The following FSD1L variants were observed in gnomAD, a reference collection of about 807,000 sequenced individuals.
FSD1L encodes fibronectin type III and SPRY domain containing 1 like, also known as FSD1-like protein.
FSD1L carries 45 observed loss-of-function variants against 71.6 expected under a neutral mutation model. That is an observed-to-expected ratio of 0.63 (90% CI 0.49 to 0.81). The LOEUF is 0.81. FSD1L is among the 30% of genes least tolerant of loss of function. FSD1L has a pLI of 0.00. For synonymous variants in FSD1L, 197 were observed against 207.2 expected (o/e 0.95, Z 0.42); for missense variants, 561 against 618.1 (o/e 0.91, Z 0.98).
intron 11 of FSD1L, 66 bp downstream of exon 11, chr9:105,534,659 T>A: frequency 1.1e-6 from 1 of 913,506 alleles, no homozygotes; most frequent in Non-Finnish European, 1.7e-6. Flanking sequence ...ACTGGTGGAC[T>A]TTCCACTCAA....
chr9:105,482,208 A>G (rs1832253659), intron 6 of FSD1L, among the ~76,000 whole-genome samples: 1 of 152,236 alleles, frequency 6.6e-6, no homozygotes, highest in Non-Finnish European at 1.5e-5. Context: ...GGTAGAAGTT[A>G]CACAGAGGAA....
chr9:105,542,030 A>G (rs1341325915), intron 13 of FSD1L, among the ~76,000 whole-genome samples: 1 of 152,222 alleles, frequency 6.6e-6, no homozygotes, highest in Non-Finnish European at 1.5e-5. Context: ...CAGTTGAAAG[A>G]CACTTGGGTT....
At chr9:105,528,216 C>T (rs1163184594) in intron 10 of FSD1L, among the ~76,000 whole-genome samples, 2 of 152,164 alleles carry the variant, frequency 1.3e-5, no homozygotes, top group African/African-American at 4.8e-5. Context: ...CCATACTGCT[C>T]AAAGTAATTT....
chr9:105,535,773 C>T (rs779797031), intron 12 of FSD1L, among the ~76,000 whole-genome samples: 50 of 152,050 alleles, frequency 3.3e-4, no homozygotes, highest in Non-Finnish European at 5.4e-4. Context: ...TAAACATACA[C>T]ACCTACTATG....
chr9:105,490,963 G>T (rs1185814652), intron 7 of FSD1L, among the ~76,000 whole-genome samples: 1 of 149,062 alleles, frequency 6.7e-6, no homozygotes, highest in Non-Finnish European at 1.5e-5. Context: ...TTGTTCTTTT[G>T]GCTTAGGATT....
At chr9:105,515,397 G>A (rs1456170397) in intron 10 of FSD1L, among the ~76,000 whole-genome samples, 6 of 152,168 alleles carry the variant, frequency 3.9e-5, no homozygotes, top group Non-Finnish European at 7.3e-5. Flanking sequence ...TCTTTAAGAT[G>A]GCTAAATAGG....
At position 105,550,011 on chromosome 9, in the gene FSD1L, A is replaced by G. The variant is rs1837203580; in HGVS notation, c.*3528A>G. On this transcript the variant is annotated 3_prime_UTR_variant, in exon 14 of 14. Coordinates refer to ENST00000481272, the MANE Select transcript of FSD1L (RefSeq NM_001145313.3). ...AAAATAATTATTTTTTTAAAAACGT[A>G]ATTTGTTTTTAAAAGATGAGTCTCC... 1 of 151,980 alleles carries G rather than the reference A, an allele frequency of 6.6e-6. No individual in the cohort carries two copies. Among genetic ancestry groups the G allele is most frequent in the Non-Finnish European group, 1.5e-5 (1 of 67,890 alleles). The allele number at this position is 151,980 out of a possible 1,614,324, so 9.4% of individuals were successfully genotyped here. A position where few individuals can be genotyped will look rare whatever the true frequency, so the allele number is the denominator to read the frequency against.
chr9:105,492,119 A>G (rs995722275), intron 7 of FSD1L, among the ~76,000 whole-genome samples: 12 of 152,056 alleles, frequency 7.9e-5, no homozygotes, highest in Non-Finnish European at 1.5e-4. Flanking sequence ...CTGTGAATCC[A>G]TCTGGTCCTG....
intron 6 of FSD1L, among the ~76,000 whole-genome samples, chr9:105,481,179 G>GT (rs71364100): frequency 4.9e-4 from 57 of 115,310 alleles, no homozygotes; most frequent in East Asian, 2.6e-3. Flanking sequence ...GTGTGTGTGT[G>GT]GTTCTTTTTT....
chr9:105,501,077 G>A (rs1007927708), intron 7 of FSD1L, among the ~76,000 whole-genome samples: 1 of 152,200 alleles, frequency 6.6e-6, no homozygotes, highest in African/African-American at 2.4e-5. Context: ...ACTTTAAAGT[G>A]CATGCAAATC....
chr9:105,448,365 A>T, intron 1 of FSD1L, 130 bp downstream of exon 1: 1 of 840,462 alleles, frequency 1.2e-6, no homozygotes, highest in East Asian at 3.5e-5. Flanking sequence ...GCTGCTGCGG[A>T]GGGCAAGGCC....
At chr9:105,485,666 C>T (rs563734514) in intron 7 of FSD1L, among the ~76,000 whole-genome samples, 43 of 142,232 alleles carry the variant, frequency 3.0e-4, no homozygotes, top group African/African-American at 1.1e-3. Context: ...TTTTTTGAGA[C>T]GGAGTCTTGC....
chr9:105,544,781 T>C (rs1255931471), intron 13 of FSD1L, among the ~76,000 whole-genome samples: 1 of 152,206 alleles, frequency 6.6e-6, no homozygotes, highest in South Asian at 2.1e-4. Context: ...GTTCCATTGG[T>C]CTATATCTCT....
chr9:105,492,210 T>C (rs1485144857), intron 7 of FSD1L, among the ~76,000 whole-genome samples: 5 of 152,192 alleles, frequency 3.3e-5, no homozygotes, highest in Admixed American at 6.5e-5. Flanking sequence ...ATCAACTTCT[T>C]CCTGGTTTAG....
At chr9:105,507,792 C>T (rs578122486) in intron 8 of FSD1L, among the ~76,000 whole-genome samples, 158 of 152,040 alleles carry the variant, frequency 1.0e-3, no homozygotes, top group Non-Finnish European at 1.4e-3. Flanking sequence ...ACTTTTTAAT[C>T]ACTGGGTTAA....
At chr9:105,472,425 C>G (rs1266116583) in intron 5 of FSD1L, 1 of 158,112 alleles carries the variant, frequency 6.3e-6, no homozygotes, top group East Asian at 1.8e-4. Context: ...AGCAAGAAGC[C>G]TGCTAATGTT....
chr9:105,446,105 C>CAAAA (rs146571180), upstream of FSD1L, among the ~76,000 whole-genome samples: 134 of 149,758 alleles, frequency 8.9e-4, no homozygotes, highest in Middle Eastern at 3.4e-3. Flanking sequence ...ATTCAGCCCT[C>CAAAA]AAAAAAAAAA....
intron 10 of FSD1L, chr9:105,525,185 A>G (rs1212861006): frequency 1.7e-5 from 27 of 1,595,700 alleles, no homozygotes; most frequent in Non-Finnish European, 2.3e-5. Flanking sequence ...TCCGACATCT[A>G]ATGAATGCTT....
chr9:105,470,794 C>T (rs1325631273), intron 4 of FSD1L, among the ~76,000 whole-genome samples: 6 of 152,166 alleles, frequency 3.9e-5, no homozygotes, highest in East Asian at 3.9e-4. Flanking sequence ...AAGGATAATT[C>T]GTTTATTCAT....
Sources: gnomAD v4.1 joint callset for allele counts (sites outside exome capture counted in the v4.1 genomes callset) on GRCh38, gnomAD v4.1.1 for gene constraint, MANE v1.5 for transcripts, NCBI Gene and HGNC (gene_info 2026-07-23, HGNC 2026-07-21) for gene names.